Variants in RNASE10 observed in about 807,000 individuals in gnomAD.
The protein encoded by RNASE10 is ribonuclease A family member 10 (inactive).
RNASE10 carries 2 observed loss-of-function variants against 1.1 expected under a neutral mutation model. That is an observed-to-expected ratio of 1.82 (90% confidence interval 0.74 to 5.73). RNASE10 has a LOEUF of 5.73. RNASE10 is among the 30% of genes most tolerant of loss of function. The pLI is 0.05. For missense variants in RNASE10, 276 were observed against 263.4 expected (o/e 1.05, Z -0.33); for synonymous variants, 97 against 96.2 (o/e 1.01, Z -0.05).
Position 20,510,977 on chromosome 14 carries a change from G to T in RNASE10, c.590G>T (p.Ser197Ile), listed in dbSNP as rs145816518. The change falls in exon 2 of 2, where the codon AGC (serine) becomes ATC (isoleucine). Residue 197 changes from serine to isoleucine, a missense_variant. Coordinates refer to ENST00000430083, the Ensembl canonical transcript of RNASE10. ...CTCAAGGGGGGAAAATGTCACAAAA[G>T]CTCCCGACCTTTTGATTTGACATTG... The T allele has an allele frequency of 6.9e-6, 11 of 1,602,582 alleles. No homozygotes were observed. In the African/African-American group the frequency reaches 1.2e-4, roughly 18 times the overall value.
chr14:20,504,702 A>AAAAAAAAAAAAAC (rs1882646905), upstream of RNASE10, among the ~76,000 whole-genome samples: 1 of 145,264 alleles, frequency 6.9e-6, no homozygotes, highest in African/African-American at 2.6e-5. Flanking sequence ...AAAAAAAAAA[A>AAAAAAAAAAAAAC]AAAAGGAATC....
chr14:20,504,517 C>A (rs1025296787), upstream of RNASE10, among the ~76,000 whole-genome samples: 2 of 151,310 alleles, frequency 1.3e-5, no homozygotes, highest in East Asian at 1.9e-4. Context: ...GAAACCCCGT[C>A]TCTACTAAAA....
At position 20,506,374 on chromosome 14, in the gene RNASE10, C is replaced by T. The variant is rs1480708118; in HGVS notation, c.79+355C>T. The stretch of plus-strand genomic sequence containing the variant: ...CCGGGAGGTGAGGGGCGCCTCTGCC[C>T]GGCCGCCCCTACTGGGAAGTGAGGA... On this transcript the variant is annotated intron_variant, in intron 1 of 1. Transcript: ENST00000430083. Among the ~76,000 whole-genome samples, 24 of 127,102 alleles carry T rather than the reference C, an allele frequency of 1.9e-4. No homozygotes were observed. The South Asian group carries it at 4.1e-3, about 22-fold the overall frequency. 83.4% of individuals were successfully genotyped at this position (127,102 alleles called of 152,430 possible). A position where few individuals can be genotyped will look rare whatever the true frequency, so the allele number is the denominator to read the frequency against.
At chr14:20,504,999 C>G (rs1397952094), upstream of RNASE10, among the ~76,000 whole-genome samples, 1 of 151,962 alleles carries the variant, frequency 6.6e-6, no homozygotes. Flanking sequence ...AATGAAAAAG[C>G]GTTATCTGAT....
downstream of RNASE10, among the ~76,000 whole-genome samples, chr14:20,513,358 T>C (rs942076297): frequency 6.6e-6 from 1 of 152,200 alleles, no homozygotes; most frequent in Admixed American, 6.5e-5. Flanking sequence ...CAAGGCATTG[T>C]GGGGACCTCA....
At position 20,507,463 on chromosome 14, in the gene RNASE10, G is replaced by A. The variant is rs890257662; in HGVS notation, c.79+1444G>A. On this transcript the variant is annotated intron_variant, in intron 1 of 1. Coordinates refer to ENST00000430083, the Ensembl canonical transcript of RNASE10. ...CACTCCCTAATCTTAAGTACCCAGGGACACAAACACTGCGGAAGGCTGCAG... is the reference window on the plus strand; with the variant it reads ...CACTCCCTAATCTTAAGTACCCAGGAACACAAACACTGCGGAAGGCTGCAG... 3.0e-5 allele frequency among the ~76,000 whole-genome samples: 4 copies of A among 134,442 alleles called. No homozygotes were observed. In the Admixed American group the frequency reaches 3.0e-4, roughly 10 times the overall value. The allele number at this position is 134,442 out of a possible 152,430, so 88.2% of individuals were successfully genotyped here.
chr14:20,510,339 T>C, intron 1 of RNASE10, 128 bp from the exon 2 acceptor site: 1 of 1,366,790 alleles, frequency 7.3e-7, no homozygotes, highest in South Asian at 1.5e-5. Context: ...TTGAAGAGGG[T>C]AGAGTAATGT....
At position 20,510,617 on chromosome 14, in the gene RNASE10, C is replaced by A; in HGVS notation, c.230C>A (p.Ser77Ter). ...CTCAATGAATTTTGGTCCAGTGACT[C>A]ACAGGACAAAGCTGAGGCCACTGAG... is the stretch of plus-strand genomic sequence containing the variant. The change falls in exon 2 of 2, where the codon TCA becomes TAA. Residue 77 changes from serine to a stop codon, truncating the protein, a stop_gained. Coordinates refer to ENST00000430083, the Ensembl canonical transcript of RNASE10. LOFTEE classifies it low-confidence loss of function (END_TRUNC). 1 of 1,614,154 alleles carries A rather than the reference C, an allele frequency of 6.2e-7. No homozygotes were observed. Among genetic ancestry groups the A allele is most frequent in the Non-Finnish European group, 8.5e-7 (1 of 1,180,016 alleles).
At chr14:20,512,748 A>G (rs1882928683), downstream of RNASE10, among the ~76,000 whole-genome samples, 1 of 152,120 alleles carries the variant, frequency 6.6e-6, no homozygotes, top group Admixed American at 6.6e-5. Context: ...GTATGTCTCC[A>G]TCTGTGGGCT....
chr14:20,508,603 G>A (rs1410969699), intron 1 of RNASE10, among the ~76,000 whole-genome samples: 17 of 152,090 alleles, frequency 1.1e-4, no homozygotes, highest in African/African-American at 2.4e-4. Context: ...ATTCAGACAC[G>A]TCAAAAAGAA....
upstream of RNASE10, among the ~76,000 whole-genome samples, chr14:20,504,686 T>C (rs1205510498): frequency 4.2e-5 from 1 of 23,714 alleles, no homozygotes; most frequent in African/African-American, 4.2e-4. Flanking sequence ...AGACTCCGTC[T>C]CAAAAAAAAA....
intron 1 of RNASE10, among the ~76,000 whole-genome samples, chr14:20,507,101 G>T (rs1437167682): frequency 1.3e-5 from 2 of 149,610 alleles, no homozygotes; most frequent in Non-Finnish European, 3.0e-5. Flanking sequence ...CCAGGACCCC[G>T]TCTGGGAGGT....
At chr14:20,505,843 G>T (rs1395164742) in exon 1 of RNASE10, 1 of 93,522 alleles carries the variant, frequency 1.1e-5, no homozygotes, top group Non-Finnish European at 1.9e-5. Flanking sequence ...GTCTCTGCCC[G>T]GCCGCCATCC....
rs534039848 is a variant in RNASE10 at position 20,510,288 on chromosome 14, G to A, written c.80-179G>A. On this transcript the variant is annotated intron_variant, in intron 1 of 1. Transcript: ENST00000430083. ...ACACAGCAACAGGGAATGTGGTAGG[G>A]AGGAACAAGAGAAATGGGAATGGAA... 3.3e-5 allele frequency: 14 copies of A among 427,512 alleles called. 1 individual carries two copies. The South Asian group carries it at 1.0e-3, about 31-fold the overall frequency. 26.5% of individuals were successfully genotyped at this position (427,512 alleles called of 1,614,324 possible).
upstream of RNASE10, among the ~76,000 whole-genome samples, chr14:20,505,322 C>CTCCCTCTCCCTGTCCCTG (rs1882671580): frequency 1.5e-5 from 1 of 68,838 alleles, no homozygotes; most frequent in African/African-American, 6.9e-5. Context: ...CCCTCTCCCT[C>CTCCCTCTCCCTGTCCCTG]TCCCTCCACG....
chr14:20,508,628 C>T (rs1230917409), intron 1 of RNASE10, among the ~76,000 whole-genome samples: 1 of 152,014 alleles, frequency 6.6e-6, no homozygotes, highest in East Asian at 1.9e-4. Flanking sequence ...TAAAGTGCTC[C>T]GTTTGAGTGA....
chr14:20,504,433 T>G (rs1882636713), upstream of RNASE10, among the ~76,000 whole-genome samples: 2 of 152,142 alleles, frequency 1.3e-5, no homozygotes, highest in Admixed American at 1.3e-4. Context: ...TTTAATAAAT[T>G]TTCGAGCACT....
At chr14:20,506,542 G>T (rs1362332442) in intron 1 of RNASE10, among the ~76,000 whole-genome samples, 3 of 114,664 alleles carry the variant, frequency 2.6e-5, no homozygotes, top group Admixed American at 8.4e-5. Context: ...GGTGAGGGGC[G>T]CCTCTGCCCG....
At chr14:20,506,487 G>A (rs1882723523) in intron 1 of RNASE10, among the ~76,000 whole-genome samples, 1 of 132,936 alleles carries the variant, frequency 7.5e-6, no homozygotes. Context: ...CGGGAGGGAG[G>A]TGGTGGGGGT....
Sources: allele counts gnomAD v4.1 joint callset (sites outside exome capture counted in the v4.1 genomes callset), GRCh38; gene constraint gnomAD v4.1.1; transcripts MANE v1.5; gene names NCBI Gene and HGNC (gene_info 2026-07-23, HGNC 2026-07-21).